The following ASTN2 variants were observed in gnomAD, a reference collection of about 807,000 sequenced individuals.
ASTN2 encodes the protein astrotactin-2.
A neutral mutation model predicts 139.8 loss-of-function variants in ASTN2; 54 were observed. The ratio of observed to expected loss-of-function variants is 0.39; its 90% CI spans 0.31 to 0.48. The LOEUF (loss-of-function observed/expected upper bound fraction) is 0.48. Ranked by LOEUF, ASTN2 falls within the 20% of genes least tolerant of loss-of-function variation. The pLI, the probability that ASTN2 is intolerant of heterozygous loss-of-function variation, is 0.95. For synonymous variants in ASTN2, 756 were observed against 719.5 expected (o/e 1.05, Z -0.81); for missense variants, 1,565 against 1,725.1 (o/e 0.91, Z 1.64).
chr9:116,699,892 A>C lies in ASTN2; in HGVS notation c.2806+25879T>G. 1.3e-6 allele frequency: 1 copy of C among 781,328 alleles called. No homozygotes were observed. Among genetic ancestry groups the C allele is most frequent in the Non-Finnish European group, 2.1e-6 (1 of 486,980 alleles). The allele number at this position is 781,328 out of a possible 1,614,324, so 48.4% of individuals were successfully genotyped here. A position where few individuals can be genotyped will look rare whatever the true frequency, so the allele number is the denominator to read the frequency against. ...TGTCCCCCTCCCCGCTTCCCACCTA[A>C]ATTTAGAGCTTTAAAAGATGCACTG... On this transcript the variant is annotated intron_variant, in intron 16 of 22. Transcript: ENST00000313400. The surrounding 1 kb of genome is among the most constrained non-coding windows in gnomAD (Gnocchi z 4.2).
At chr9:116,454,062 T>C (rs939192275) in intron 20 of ASTN2, among the ~76,000 whole-genome samples, 11 of 152,218 alleles carry the variant, frequency 7.2e-5, no homozygotes, top group Admixed American at 2.0e-4. Flanking sequence ...TGGTGAATGA[T>C]AGCAAATGTT....
intron 3 of ASTN2, among the ~76,000 whole-genome samples, chr9:117,168,423 T>C (rs1830716669): frequency 6.6e-6 from 1 of 152,130 alleles, no homozygotes; most frequent in Non-Finnish European, 1.5e-5. Flanking sequence ...AACTTACATT[T>C]GGAGGTGAGG....
chr9:116,846,640 G>A (rs1832440063), intron 11 of ASTN2, among the ~76,000 whole-genome samples: 1 of 152,114 alleles, frequency 6.6e-6, no homozygotes, highest in Non-Finnish European at 1.5e-5. Context: ...CGTAATTAGG[G>A]GACACAGGTT....
intron 19 of ASTN2, among the ~76,000 whole-genome samples, chr9:116,501,060 C>A (rs144389461): frequency 5.3e-5 from 8 of 152,226 alleles, no homozygotes; most frequent in African/African-American, 1.9e-4. Flanking sequence ...CAAAGCCTGC[C>A]ATTAACTAAT....
At chr9:116,608,582 G>GTTCAAAATGTTTTTGAACTCT (rs1855338668) in intron 19 of ASTN2, among the ~76,000 whole-genome samples, 1 of 152,050 alleles carries the variant, frequency 6.6e-6, no homozygotes, top group Non-Finnish European at 1.5e-5. Flanking sequence ...GAACAAAAGA[G>GTTCAAAATGTTTTTGAACTCT]TTTGAACAAA....
chr9:117,057,559 T>C (rs1025538083), intron 5 of ASTN2, among the ~76,000 whole-genome samples: 1 of 152,248 alleles, frequency 6.6e-6, no homozygotes, highest in Non-Finnish European at 1.5e-5. Context: ...CTAAATTTTA[T>C]AGAAATCTAT....
At chr9:116,453,709 G>T (rs980733990) in intron 20 of ASTN2, among the ~76,000 whole-genome samples, 2 of 148,588 alleles carry the variant, frequency 1.3e-5, no homozygotes, top group Non-Finnish European at 1.5e-5. Flanking sequence ...ACTCAAGTAA[G>T]ATAAAATGGA....
At chr9:117,340,741 A>G (rs1384905516) in intron 1 of ASTN2, among the ~76,000 whole-genome samples, 2 of 152,200 alleles carry the variant, frequency 1.3e-5, no homozygotes, top group Non-Finnish European at 2.9e-5. Flanking sequence ...TCTTTTGACA[A>G]GATATCCCCT....
At chr9:116,932,148 T>G (rs971469058) in intron 10 of ASTN2, among the ~76,000 whole-genome samples, 24 of 152,072 alleles carry the variant, frequency 1.6e-4, no homozygotes, top group Non-Finnish European at 2.2e-4. Flanking sequence ...GGGCATGACA[T>G]GATTGGATGC....
intron 4 of ASTN2, among the ~76,000 whole-genome samples, chr9:117,129,563 T>G (rs1298909284): frequency 1.3e-5 from 2 of 152,212 alleles, no homozygotes; most frequent in Non-Finnish European, 2.9e-5. Context: ...TATGTCCATT[T>G]TATTATATCT....
At chr9:117,393,654 A>G (rs1037922506) in intron 1 of ASTN2, among the ~76,000 whole-genome samples, 4 of 152,162 alleles carry the variant, frequency 2.6e-5, no homozygotes, top group Admixed American at 2.0e-4. Context: ...AAGAAAGCTC[A>G]AACCTGTGCA....
intron 1 of ASTN2, among the ~76,000 whole-genome samples, chr9:117,377,412 C>T (rs1587994117): frequency 6.6e-6 from 1 of 152,326 alleles, no homozygotes; most frequent in East Asian, 1.9e-4. Flanking sequence ...AACAGAATTG[C>T]TAATGGCTTG....
intron 13 of ASTN2, among the ~76,000 whole-genome samples, chr9:116,803,876 G>C (rs575423705): frequency 6.6e-6 from 1 of 151,250 alleles, no homozygotes; most frequent in African/African-American, 2.4e-5. Flanking sequence ...AAGTTACCTA[G>C]GCTGTTCTCA....
At chr9:116,744,526 G>A (rs748582861) in intron 13 of ASTN2, among the ~76,000 whole-genome samples, 3 of 152,130 alleles carry the variant, frequency 2.0e-5, no homozygotes, top group Admixed American at 1.3e-4. Flanking sequence ...AGACATAACC[G>A]ATTAGATGGA....
chr9:116,926,890 T>C (rs4838023), intron 10 of ASTN2, among the ~76,000 whole-genome samples: 67,803 of 152,006 alleles, frequency 0.45, 18,165 homozygotes, highest in Non-Finnish European at 0.6. Flanking sequence ...CAATTAAATA[T>C]ATATGAGGGA....
Position 116,620,300 on chromosome 9 carries a change from A to G in ASTN2, c.3206+10T>C. 1 of 1,614,118 alleles carries G rather than the reference A, an allele frequency of 6.2e-7. No individual in the cohort carries two copies. Among genetic ancestry groups the G allele is most frequent in the East Asian group, 2.2e-5 (1 of 44,884 alleles). On this transcript the variant is annotated intron_variant, in intron 18 of 22. Coordinates refer to ENST00000313400, the MANE Select transcript of ASTN2 (RefSeq NM_001365068.1). ...GGATGGCCAAAGGAAAAGGGGCCAT[A>G]CATACGTACACCGGCTGCAGAAGGG...
At chr9:116,661,183 G>T (rs1228882994) in intron 16 of ASTN2, among the ~76,000 whole-genome samples, 1 of 151,874 alleles carries the variant, frequency 6.6e-6, no homozygotes, top group Admixed American at 6.6e-5. Context: ...TCTTCCTCCT[G>T]GGACAAGGCA....
At chr9:117,377,825 A>G (rs1032816578) in intron 1 of ASTN2, among the ~76,000 whole-genome samples, 1 of 152,206 alleles carries the variant, frequency 6.6e-6, no homozygotes, top group Admixed American at 6.5e-5. Flanking sequence ...ATTTTAAAGT[A>G]AAAAACAAAG....
intron 5 of ASTN2, among the ~76,000 whole-genome samples, chr9:117,044,060 T>C (rs576111111): frequency 5.3e-5 from 8 of 152,222 alleles, no homozygotes; most frequent in Non-Finnish European, 1.2e-4. Flanking sequence ...ACAAAATGGG[T>C]CAATATGTGT....
Sources: gnomAD v4.1 joint callset for allele counts (sites outside exome capture counted in the v4.1 genomes callset) on GRCh38, gnomAD v4.1.1 for gene constraint, Gnocchi (gnomAD v3.1) non-coding constraint, MANE v1.5 for transcripts, NCBI Gene and HGNC (gene_info 2026-07-23, HGNC 2026-07-21) for gene names.